Variants in YEATS4 observed in about 807,000 individuals in gnomAD.
YEATS4 encodes the protein YEATS domain-containing protein 4.
A neutral mutation model predicts 30.1 loss-of-function variants in YEATS4; 17 were observed. That is an observed-to-expected ratio of 0.56 (90% confidence interval 0.39 to 0.85). The LOEUF (loss-of-function observed/expected upper bound fraction) is 0.85, where lower values mean the gene tolerates loss of function less well. Among genes scored for constraint, YEATS4 ranks in the 40% least tolerant of loss-of-function variants. YEATS4 has a pLI of 0.00. For missense variants in YEATS4, 142 were observed against 268.3 expected, an observed-to-expected ratio of 0.53 and a Z score of 3.29; for synonymous variants, 85 against 87.5, an observed-to-expected ratio of 0.97 and a Z score of 0.16.
At chr12:69,415,946 A>G in the YEATS4 span, among the ~76,000 whole-genome samples, 1 of 152,238 alleles carries the variant, frequency 6.6e-6, no homozygotes, top group Non-Finnish European at 1.5e-5. Flanking sequence ...GTGAAGATTA[A>G]GAAGCCTTGC....
intron 4 of YEATS4, among the ~76,000 whole-genome samples, chr12:69,368,214 A>T (rs772354802): frequency 7.2e-5 from 11 of 152,198 alleles, no homozygotes; most frequent in Admixed American, 2.0e-4. Context: ...TAAGAAAGAC[A>T]AGTTGGTTGG....
At chr12:69,371,047 C>A in intron 6 of YEATS4, 72 bp downstream of exon 6, 3 of 1,430,664 alleles carry the variant, frequency 2.1e-6, no homozygotes, top group South Asian at 1.3e-5. Flanking sequence ...ATGATTCGTG[C>A]CTTTTACACT....
intron 4 of YEATS4, among the ~76,000 whole-genome samples, chr12:69,367,688 C>T (rs1875491238): frequency 1.3e-5 from 2 of 152,202 alleles, no homozygotes; most frequent in African/African-American, 4.8e-5. Flanking sequence ...AATATTATAT[C>T]TGCTATTTGT....
At chr12:69,395,929 C>G in the YEATS4 span, among the ~76,000 whole-genome samples, 4 of 152,278 alleles carry the variant, frequency 2.6e-5, no homozygotes, top group East Asian at 7.7e-4. Flanking sequence ...CCTGCCCCAG[C>G]CTGGACTCTC....
At chr12:69,378,872 T>A (rs1292636284) in intron 6 of YEATS4, among the ~76,000 whole-genome samples, 5 of 152,224 alleles carry the variant, frequency 3.3e-5, no homozygotes, top group Non-Finnish European at 7.3e-5. Context: ...TTTTGTATCT[T>A]CAGATGATTT....
At chr12:69,366,065 T>C (rs1875416834) in intron 4 of YEATS4, among the ~76,000 whole-genome samples, 181 bp downstream of exon 4, 1 of 152,150 alleles carries the variant, frequency 6.6e-6, no homozygotes, top group South Asian at 2.1e-4. Context: ...CCTTTTTTTT[T>C]TCAAGTATGG....
At chr12:69,381,751 C>T (rs912364513) in intron 6 of YEATS4, among the ~76,000 whole-genome samples, 13 of 152,320 alleles carry the variant, frequency 8.5e-5, no homozygotes, top group African/African-American at 1.9e-4. Flanking sequence ...TCCCTCCGTT[C>T]GGGGTTCCTG....
At chr12:69,363,003 T>C in intron 2 of YEATS4, 96 bp downstream of exon 2, 1 of 1,249,538 alleles carries the variant, frequency 8.0e-7, no homozygotes, top group Non-Finnish European at 1.0e-6. Flanking sequence ...TTTTTTTTTT[T>C]TTTTTTTGAG....
At chr12:69,411,321 G>C in the YEATS4 span, among the ~76,000 whole-genome samples, 2 of 152,086 alleles carry the variant, frequency 1.3e-5, no homozygotes, top group Non-Finnish European at 2.9e-5. Context: ...GTAGAAATGG[G>C]GTTTCGCCAT....
rs1055343545 is a variant in YEATS4, at chr12:69,390,313, A to G, written c.681A>G (p.Ile227Met). ...KLEEDDQAKD[I>M] ...AAGAAGATGACCAAGCAAAAGACAT[A>G]TAAACAGTTCTCATGAGAACTTGGT... The change falls in exon 7 of 7, where the codon ATA becomes ATG. Residue 227 changes from isoleucine to methionine, a missense_variant. Transcript: ENST00000247843. 4 of 1,576,358 alleles carry G rather than the reference A, an allele frequency of 2.5e-6. No individual in the cohort carries two copies. Among genetic ancestry groups the G allele is most frequent in the Non-Finnish European group, 3.4e-6 (4 of 1,169,430 alleles).
chr12:69,390,679 G>C lies in YEATS4; in HGVS notation c.*363G>C, dbSNP rs577683570. The stretch of plus-strand genomic sequence containing the variant: ...AAATTTTGTACTTCTTTAGTGGCTA[G>C]AATTAGTGAAGAAACTTAATGTGTA... On this transcript the variant is annotated 3_prime_UTR_variant, in exon 7 of 7. Coordinates refer to ENST00000247843, the MANE Select transcript of YEATS4 (RefSeq NM_006530.4). 6.5e-6 allele frequency: 1 copy of C among 154,066 alleles called. No homozygotes were observed. The highest frequency in any genetic ancestry group is 1.4e-5 in the Non-Finnish European group (1 of 69,152). The allele number at this position is 154,066 out of a possible 1,614,324, so 9.5% of individuals were successfully genotyped here.
At chr12:69,400,829 C>A in the YEATS4 span, 1 of 152,024 alleles carries the variant, frequency 6.6e-6, no homozygotes, top group East Asian at 1.9e-4. Flanking sequence ...GTGAAAGGAA[C>A]TTGGTACTCA....
chr12:69,417,133 T>C, the YEATS4 span, among the ~76,000 whole-genome samples: 9 of 149,608 alleles, frequency 6.0e-5, no homozygotes, highest in East Asian at 1.6e-3. Flanking sequence ...AAGTTGGTCA[T>C]GGCTTAAACA....
chr12:69,402,382 TAGG>T, the YEATS4 span, among the ~76,000 whole-genome samples: 5 of 152,212 alleles, frequency 3.3e-5, no homozygotes, highest in Non-Finnish European at 7.3e-5. Flanking sequence ...CCTAAAATTT[TAGG>T]AGGTTAGACA....
intron 4 of YEATS4, among the ~76,000 whole-genome samples, chr12:69,368,890 A>AC (rs1362943206): frequency 6.6e-6 from 1 of 152,094 alleles, no homozygotes; most frequent in Non-Finnish European, 1.5e-5. Flanking sequence ...TTGTAATTAC[A>AC]CCTGCAAAGA....
intron 6 of YEATS4, among the ~76,000 whole-genome samples, 189 bp from the exon 7 acceptor site, chr12:69,389,958 G>C (rs1161892897): frequency 6.6e-6 from 1 of 152,068 alleles, no homozygotes; most frequent in African/African-American, 2.4e-5. Flanking sequence ...AAACATCTTA[G>C]ATCCTCTCTT....
At chr12:69,362,013 G>GTTTTTGTTTTTTTTTTTTT (rs1555174243) in intron 1 of YEATS4, among the ~76,000 whole-genome samples, 49 of 69,032 alleles carry the variant, frequency 7.1e-4, no homozygotes, top group Non-Finnish European at 1.2e-3. Context: ...GTGTTTGGTT[G>GTTTTTGTTTTTTTTTTTTT]TTTTTTTTTT....
At chr12:69,410,111 C>G in the YEATS4 span, among the ~76,000 whole-genome samples, 2 of 152,200 alleles carry the variant, frequency 1.3e-5, no homozygotes, top group Non-Finnish European at 2.9e-5. Context: ...AACTAACACA[C>G]AAACCATAAA....
the YEATS4 span, among the ~76,000 whole-genome samples, chr12:69,409,843 A>G: frequency 3.3e-5 from 5 of 152,190 alleles, no homozygotes; most frequent in African/African-American, 1.2e-4. Flanking sequence ...CTTTAATCCA[A>G]TATGACTGGT....
Sources: allele counts gnomAD v4.1 joint callset (sites outside exome capture counted in the v4.1 genomes callset), GRCh38; gene constraint gnomAD v4.1.1; transcripts MANE v1.5; gene names NCBI Gene and HGNC (gene_info 2026-07-23, HGNC 2026-07-21).